PRTFDC1: variants seen among roughly 807,000 people sequenced by gnomAD.
PRTFDC1 encodes phosphoribosyltransferase domain-containing protein 1.
PRTFDC1 carries 38 observed loss-of-function variants against 34.6 expected under a neutral mutation model. The observed-to-expected ratio is 1.10, with a 90% CI of 0.85 to 1.44. The LOEUF is 1.44. Ranked by LOEUF, PRTFDC1 falls within the 40% of genes most tolerant of loss-of-function variation. The pLI is 0.00. For missense variants in PRTFDC1, 270 were observed against 283.0 expected (o/e 0.95, Z 0.33); for synonymous variants, 93 against 98.1 (o/e 0.95, Z 0.31).
At chr10:24,927,323 CCAGA>C (rs1358648263) in intron 3 of PRTFDC1, among the ~76,000 whole-genome samples, 8 of 152,120 alleles carry the variant, frequency 5.3e-5, no homozygotes, top group Admixed American at 5.2e-4. Flanking sequence ...GCGTTTCTAT[CCAGA>C]GGTCACAGAG....
intron 3 of PRTFDC1, among the ~76,000 whole-genome samples, chr10:24,930,858 A>T (rs1848961280): frequency 6.6e-6 from 1 of 152,352 alleles, no homozygotes; most frequent in South Asian, 2.1e-4. Context: ...TATAAATAAC[A>T]TTCCTATTTT....
At chr10:24,894,443 T>C (rs1054777308) in intron 3 of PRTFDC1, among the ~76,000 whole-genome samples, 4 of 152,028 alleles carry the variant, frequency 2.6e-5, no homozygotes, top group Non-Finnish European at 4.4e-5. Context: ...TCGGCCTCTG[T>C]GGATGCTGAC....
chr10:24,944,605 A>T (rs1849225012), intron 1 of PRTFDC1, among the ~76,000 whole-genome samples: 1 of 152,132 alleles, frequency 6.6e-6, no homozygotes, highest in Non-Finnish European at 1.5e-5. Context: ...CAACACAGCA[A>T]GATCCTGTTT....
chr10:24,949,498 T>C (rs73606598), intron 1 of PRTFDC1, among the ~76,000 whole-genome samples: 5,770 of 152,218 alleles, frequency 0.038, 294 homozygotes, highest in African/African-American at 0.12. Flanking sequence ...CTGCCTTACA[T>C]GCCATGAGCT....
At chr10:24,895,496 C>T (rs1487050044) in intron 3 of PRTFDC1, among the ~76,000 whole-genome samples, 1 of 150,930 alleles carries the variant, frequency 6.6e-6, no homozygotes, top group Non-Finnish European at 1.5e-5. Flanking sequence ...GGTGATCCAC[C>T]TGCCTTGGCC....
At chr10:24,871,362 C>T (rs942588946) in intron 4 of PRTFDC1, among the ~76,000 whole-genome samples, 9 of 152,296 alleles carry the variant, frequency 5.9e-5, no homozygotes, top group Admixed American at 3.3e-4. Context: ...CCACGAACAT[C>T]ATCTTCGTTA....
At chr10:24,942,779 C>T (rs1849184572) in intron 1 of PRTFDC1, among the ~76,000 whole-genome samples, 2 of 152,178 alleles carry the variant, frequency 1.3e-5, no homozygotes, top group Admixed American at 1.3e-4. Flanking sequence ...TCCCGAGGAG[C>T]TGGGACTACA....
intron 1 of PRTFDC1, chr10:24,951,436 A>T (rs1028089620): frequency 3.8e-6 from 2 of 531,032 alleles, no homozygotes; most frequent in Non-Finnish European, 4.8e-6. Context: ...TGAATAAATC[A>T]ACTCCTCATC....
chr10:24,874,922 A>G (rs1242135247), intron 3 of PRTFDC1, among the ~76,000 whole-genome samples: 1 of 152,122 alleles, frequency 6.6e-6, no homozygotes, highest in Non-Finnish European at 1.5e-5. Flanking sequence ...GTGAGTTCTC[A>G]CGAAATATGA....
intron 3 of PRTFDC1, among the ~76,000 whole-genome samples, chr10:24,882,254 A>G (rs898313087): frequency 6.6e-6 from 1 of 151,244 alleles, no homozygotes; most frequent in African/African-American, 2.4e-5. Context: ...CTCAGGCATC[A>G]TCTCTTCTAG....
At chr10:24,940,118 C>G (rs914708361) in intron 2 of PRTFDC1, among the ~76,000 whole-genome samples, 3 of 152,064 alleles carry the variant, frequency 2.0e-5, no homozygotes, top group Non-Finnish European at 4.4e-5. Context: ...CTTTAACATC[C>G]CCTCTATCAG....
chr10:24,869,413 A>G (rs1847840140), intron 4 of PRTFDC1, among the ~76,000 whole-genome samples: 1 of 152,216 alleles, frequency 6.6e-6, no homozygotes, highest in Non-Finnish European at 1.5e-5. Flanking sequence ...AGTGACAACT[A>G]ATGATTTTTA....
At chr10:24,888,925 G>C (rs1290854573) in intron 3 of PRTFDC1, among the ~76,000 whole-genome samples, 1 of 152,060 alleles carries the variant, frequency 6.6e-6, no homozygotes, top group African/African-American at 2.4e-5. Context: ...TTACTTTCTG[G>C]GAAACTGTGG....
At chr10:24,893,660 T>TA (rs1323490721) in intron 3 of PRTFDC1, among the ~76,000 whole-genome samples, 1 of 152,198 alleles carries the variant, frequency 6.6e-6, no homozygotes, top group Non-Finnish European at 1.5e-5. Context: ...ATAGTAATAA[T>TA]AATAGCTAGT....
At chr10:24,883,637 C>T (rs892748487) in intron 3 of PRTFDC1, among the ~76,000 whole-genome samples, 1 of 152,054 alleles carries the variant, frequency 6.6e-6, no homozygotes, top group African/African-American at 2.4e-5. Flanking sequence ...CTGTTTTGAA[C>T]CTTGGTATGG....
chr10:24,887,498 C>T (rs1278461196), intron 3 of PRTFDC1, among the ~76,000 whole-genome samples: 2 of 152,078 alleles, frequency 1.3e-5, no homozygotes, highest in Non-Finnish European at 2.9e-5. Flanking sequence ...CTTCTCCTTG[C>T]TGCCACCATG....
chr10:24,872,788 G>GTATATA (rs1555045487), intron 3 of PRTFDC1, among the ~76,000 whole-genome samples: 70 of 83,202 alleles, frequency 8.4e-4, no homozygotes, highest in African/African-American at 1.0e-3. Flanking sequence ...GTGTGTGTGT[G>GTATATA]TATATATATA....
intron 1 of PRTFDC1, among the ~76,000 whole-genome samples, chr10:24,949,356 T>C (rs1322092447): frequency 6.6e-6 from 1 of 152,176 alleles, no homozygotes; most frequent in Non-Finnish European, 1.5e-5. Context: ...GTGCTGGGAT[T>C]ACAGGTGTGA....
intron 4 of PRTFDC1, among the ~76,000 whole-genome samples, chr10:24,868,980 C>T (rs1847832783): frequency 6.6e-6 from 1 of 152,160 alleles, no homozygotes; most frequent in South Asian, 2.1e-4. Flanking sequence ...GCGTAATGAG[C>T]AGGTCAGGGT....
Sources: gnomAD v4.1 joint callset for allele counts (sites outside exome capture counted in the v4.1 genomes callset) on GRCh38, gnomAD v4.1.1 for gene constraint, MANE v1.5 for transcripts, NCBI Gene and HGNC (gene_info 2026-07-23, HGNC 2026-07-21) for gene names.